GLIS3: variants seen among roughly 807,000 people sequenced by gnomAD.
The protein encoded by GLIS3 is GLIS family zinc finger 3.
A neutral mutation model predicts 78.6 loss-of-function variants in GLIS3; 53 were observed. The ratio of observed to expected loss-of-function variants is 0.67; its 90% CI spans 0.54 to 0.85. The LOEUF (loss-of-function observed/expected upper bound fraction) is 0.85. GLIS3 is among the 40% of genes least tolerant of loss of function. The pLI is 0.00. For missense variants in GLIS3, 1,703 were observed against 1,231.1 expected (o/e 1.38, Z -5.74); for synonymous variants, 684 against 509.9 (o/e 1.34, Z -4.60).
chr9:3,855,265 T>A (rs7869893), intron 9 of GLIS3, among the ~76,000 whole-genome samples: 3,886 of 152,322 alleles, frequency 0.026, 179 homozygotes, highest in African/African-American at 0.087. Flanking sequence ...ACACAAGATC[T>A]GCACATTTAG....
At position 4,254,856 on chromosome 9, in the gene GLIS3, G is replaced by A. The variant is rs933167205; in HGVS notation, c.388+31182C>T. ...CTACGTCTCAAAAAAAAAAAAAAAA[G>A]AAAAAAAGATAAACTGCTTTGTGAC... On this transcript the variant is annotated intron_variant, in intron 2 of 10. Coordinates refer to ENST00000381971, the MANE Select transcript of GLIS3 (RefSeq NM_001042413.2). Among the ~76,000 whole-genome samples, 661 of 145,226 alleles carry A rather than the reference G, an allele frequency of 4.6e-3. 2 individuals carry two copies. The highest frequency in any genetic ancestry group is 0.013 in the African/African-American group (508 of 39,772).
At chr9:4,172,621 A>C (rs1295885975) in intron 2 of GLIS3, among the ~76,000 whole-genome samples, 4 of 152,218 alleles carry the variant, frequency 2.6e-5, no homozygotes, top group Non-Finnish European at 5.9e-5. Flanking sequence ...TGAATAAATG[A>C]GTGAATTAAT....
rs78227660 is a variant in GLIS3 at position 4,005,643 on chromosome 9, C to T, written c.1711-68454G>A. Among the ~76,000 whole-genome samples the T allele has an allele frequency of 3.6e-3, 550 of 152,262 alleles. 1 individual carries two copies. Among genetic ancestry groups the T allele is most frequent in the African/African-American group, 0.013 (527 of 41,550 alleles). On this transcript the variant is annotated intron_variant, in intron 4 of 10. Transcript: ENST00000381971. Reference sequence around the variant, plus strand: ...TAATTGTACGTGTAAAGGACTTGGGCCAGCCGCTATTAAGTATTATACACA... The same window carrying T: ...TAATTGTACGTGTAAAGGACTTGGGTCAGCCGCTATTAAGTATTATACACA...
At chr9:3,880,823 C>T (rs553245153) in intron 7 of GLIS3, among the ~76,000 whole-genome samples, 42 of 152,258 alleles carry the variant, frequency 2.8e-4, no homozygotes, top group African/African-American at 7.7e-4. Context: ...ACCATCTTCC[C>T]GCTCAAAAAG....
intron 9 of GLIS3, among the ~76,000 whole-genome samples, chr9:3,834,164 G>A (rs1818209259): frequency 6.6e-6 from 1 of 152,158 alleles, no homozygotes; most frequent in South Asian, 2.1e-4. Flanking sequence ...TTTAGTCACG[G>A]AGTCACTAGT....
At chr9:3,865,587 G>C (rs541947304) in intron 8 of GLIS3, among the ~76,000 whole-genome samples, 19 of 152,252 alleles carry the variant, frequency 1.2e-4, no homozygotes, top group South Asian at 8.3e-4. Flanking sequence ...TTCCATTGTT[G>C]CTTCATGCTA....
chr9:4,460,879 T>C, the GLIS3 span, among the ~76,000 whole-genome samples: 1 of 152,204 alleles, frequency 6.6e-6, no homozygotes, highest in Non-Finnish European at 1.5e-5. Flanking sequence ...ATGAGCCCAA[T>C]TACTCCTTGG....
intron 2 of GLIS3, among the ~76,000 whole-genome samples, chr9:4,147,964 T>G (rs1834359484): frequency 6.6e-6 from 1 of 152,258 alleles, no homozygotes; most frequent in Non-Finnish European, 1.5e-5. Flanking sequence ...CACACATCTC[T>G]ATAATAGCTA....
the GLIS3 span, among the ~76,000 whole-genome samples, chr9:4,364,587 T>C: frequency 6.6e-6 from 1 of 151,956 alleles, no homozygotes; most frequent in Non-Finnish European, 1.5e-5. Context: ...AAAATGTCTA[T>C]GTAGGCATAG....
intron 4 of GLIS3, among the ~76,000 whole-genome samples, chr9:3,958,721 G>A (rs1487447551): frequency 6.6e-6 from 1 of 152,216 alleles, no homozygotes; most frequent in Admixed American, 6.5e-5. Context: ...AAATGCAATA[G>A]AATGAGATAT....
chr9:4,186,932 CCAT>C (rs1817854203), intron 2 of GLIS3, among the ~76,000 whole-genome samples: 1 of 152,000 alleles, frequency 6.6e-6, no homozygotes, highest in Non-Finnish European at 1.5e-5. Flanking sequence ...AAATTTTCTC[CCAT>C]TCTGTAGGTT....
At chr9:4,369,009 G>A in the GLIS3 span, among the ~76,000 whole-genome samples, 2 of 152,096 alleles carry the variant, frequency 1.3e-5, no homozygotes, top group East Asian at 3.8e-4. Flanking sequence ...CTTTTTTCCT[G>A]AAAATTTTCT....
At chr9:3,960,288 A>C (rs1050677204) in intron 4 of GLIS3, among the ~76,000 whole-genome samples, 1 of 152,208 alleles carries the variant, frequency 6.6e-6, no homozygotes, top group African/African-American at 2.4e-5. Flanking sequence ...CACAGCCCTC[A>C]GAAGGATCCC....
chr9:4,479,904 CTTTTT>C, the GLIS3 span, among the ~76,000 whole-genome samples: 1,221 of 108,748 alleles, frequency 0.011, 20 homozygotes, highest in African/African-American at 0.04. Flanking sequence ...ATTTCTTCTT[CTTTTT>C]TTTTTTTTTT....
At chr9:4,057,782 A>G (rs1299744349) in intron 4 of GLIS3, among the ~76,000 whole-genome samples, 3 of 151,616 alleles carry the variant, frequency 2.0e-5, no homozygotes, top group African/African-American at 7.3e-5. Context: ...CAAAGACATG[A>G]TAATACTTTT....
At chr9:3,941,718 T>C (rs1052978222) in intron 4 of GLIS3, among the ~76,000 whole-genome samples, 1 of 152,244 alleles carries the variant, frequency 6.6e-6, no homozygotes, top group Non-Finnish European at 1.5e-5. Context: ...TTGAAAATAC[T>C]GCACTGCATG....
At chr9:3,840,674 C>T (rs1351101942) in intron 9 of GLIS3, among the ~76,000 whole-genome samples, 1 of 152,156 alleles carries the variant, frequency 6.6e-6, no homozygotes, top group Non-Finnish European at 1.5e-5. Flanking sequence ...AAAAGTTGAC[C>T]ACTGGAGCAA....
At chr9:3,877,915 C>T (rs1204752825) in intron 8 of GLIS3, among the ~76,000 whole-genome samples, 1 of 152,148 alleles carries the variant, frequency 6.6e-6, no homozygotes, top group African/African-American at 2.4e-5. Context: ...TAACAAAGAG[C>T]CTATAATGGT....
In GLIS3 at chr9:4,297,958, G is replaced by GAGGCGGAGGCGA. The variant is rs1211357872; in HGVS notation, c.-99+1462_-99+1463insTCGCCTCCGCCT. Among the ~76,000 whole-genome samples, 3 of 152,262 alleles carry GAGGCGGAGGCGA rather than the reference G, an allele frequency of 2.0e-5. No homozygotes were observed. In the East Asian group the frequency reaches 5.8e-4, roughly 29 times the overall value. ...GGAGCTAGGGGCGGGTCCGGAGGCG[G>GAGGCGGAGGCGA]AGGCGACAGCGCCCGGCGGGGTACG... On this transcript the variant is annotated intron_variant, in intron 1 of 10. Transcript: ENST00000381971.
Sources: gnomAD v4.1 joint callset for allele counts (sites outside exome capture counted in the v4.1 genomes callset) on GRCh38, gnomAD v4.1.1 for gene constraint, MANE v1.5 for transcripts, NCBI Gene and HGNC (gene_info 2026-07-23, HGNC 2026-07-21) for gene names.